TRPC1: variants seen among roughly 807,000 people sequenced by gnomAD.
TRPC1 encodes short transient receptor potential channel 1.
A neutral mutation model predicts 88.2 loss-of-function variants in TRPC1; 42 were observed. That is an observed-to-expected ratio of 0.48 (90% CI 0.37 to 0.62). The LOEUF (loss-of-function observed/expected upper bound fraction) is 0.62. Among genes scored for constraint, TRPC1 ranks in the 20% least tolerant of loss-of-function variants. The probability of loss-of-function intolerance (pLI) is 0.00; values close to 1 mark genes in which losing one functional copy is unlikely to be tolerated. For missense variants in TRPC1, 699 were observed against 957.3 expected, an observed-to-expected ratio of 0.73 and a Z score of 3.56; for synonymous variants, 288 against 331.8, an observed-to-expected ratio of 0.87 and a Z score of 1.43.
chr3:142,783,963 A>C (rs571186952), intron 6 of TRPC1, among the ~76,000 whole-genome samples: 1 of 152,274 alleles, frequency 6.6e-6, no homozygotes, highest in South Asian at 2.1e-4. Flanking sequence ...TTGGTAAATT[A>C]GTTTCTGTAC....
At chr3:142,797,001 C>T (rs1936472813) in intron 9 of TRPC1, among the ~76,000 whole-genome samples, 1 of 152,044 alleles carries the variant, frequency 6.6e-6, no homozygotes, top group South Asian at 2.1e-4. Context: ...TCGAGTGGAC[C>T]TGTTTGCCCT....
At chr3:142,794,805 C>T (rs1936403835) in intron 9 of TRPC1, among the ~76,000 whole-genome samples, 1 of 152,108 alleles carries the variant, frequency 6.6e-6, no homozygotes, top group Non-Finnish European at 1.5e-5. Context: ...TATCTCAAGC[C>T]TACACACTGC....
rs1426638875 is a variant in TRPC1, at chr3:142,777,551, C to T, written c.633-81C>T. Reference sequence around the variant, plus strand: ...TTAATTTTATAATATTTTAAGTATACATTTATGAAAATTATAGATTAAAAT... The same window carrying T: ...TTAATTTTATAATATTTTAAGTATATATTTATGAAAATTATAGATTAAAAT... On this transcript the variant is annotated intron_variant, in intron 4 of 12. Transcript: ENST00000476941. 1.0e-5 allele frequency: 9 copies of T among 870,448 alleles called. No homozygotes were observed. The South Asian group carries it at 1.3e-4, about 12-fold the overall frequency. The allele number at this position is 870,448 out of a possible 1,614,324, so 53.9% of individuals were successfully genotyped here. A position where few individuals can be genotyped will look rare whatever the true frequency, so the allele number is the denominator to read the frequency against.
Position 142,791,104 on chromosome 3 carries a change from C to T in TRPC1, c.1383C>T (p.Val461=), listed in dbSNP as rs769520556. The T allele has an allele frequency of 6.2e-7, 1 of 1,609,772 alleles. No individual in the cohort carries two copies. Among genetic ancestry groups the T allele is most frequent in the Admixed American group, 1.7e-5 (1 of 59,332 alleles). Residue 461 remains valine (V), a synonymous_variant, in exon 8 of 13, where the codon GTC becomes GTT. Coordinates refer to ENST00000476941, the MANE Select transcript of TRPC1 (RefSeq NM_001251845.2). ...AATCTCGTAATCAACTCAGTTTTGT[C>T]ATGAATTCTCTTTATTTGGCAACCT... ...LEESRNQLSF[V]MNSLYLATFA...
At chr3:142,771,764 T>G (rs1346219807) in intron 4 of TRPC1, among the ~76,000 whole-genome samples, 2 of 152,190 alleles carry the variant, frequency 1.3e-5, no homozygotes, top group Non-Finnish European at 2.9e-5. Flanking sequence ...TTACTTTCTA[T>G]TCTATAAATA....
intron 4 of TRPC1, among the ~76,000 whole-genome samples, chr3:142,773,581 G>GTT (rs74269488): frequency 5.3e-5 from 7 of 132,348 alleles, no homozygotes; most frequent in Admixed American, 7.9e-5. Flanking sequence ...TCTGCAGGCA[G>GTT]TTTTTTTTTT....
chr3:142,786,062 G>A (rs1213671615), intron 7 of TRPC1, among the ~76,000 whole-genome samples: 1 of 151,930 alleles, frequency 6.6e-6, no homozygotes, highest in Non-Finnish European at 1.5e-5. Flanking sequence ...TCTGTGTGTC[G>A]GGGTGCGTGT....
intron 7 of TRPC1, 95 bp downstream of exon 7, chr3:142,785,135 A>G (rs1465935062): frequency 1.3e-5 from 14 of 1,077,224 alleles, no homozygotes; most frequent in Non-Finnish European, 1.7e-5. Flanking sequence ...TCAATTTGCA[A>G]TTTTACACTG....
intron 10 of TRPC1, among the ~76,000 whole-genome samples, chr3:142,802,715 G>C (rs1028571510): frequency 6.6e-6 from 1 of 152,140 alleles, no homozygotes; most frequent in Admixed American, 6.6e-5. Flanking sequence ...CATTGTTACA[G>C]CCAAAAACGC....
At chr3:142,731,770 A>T (rs545296284) in intron 1 of TRPC1, among the ~76,000 whole-genome samples, 1 of 152,188 alleles carries the variant, frequency 6.6e-6, no homozygotes, top group South Asian at 2.1e-4. Flanking sequence ...TGAGCAAACT[A>T]TGGGCCACAG....
At chr3:142,778,449 A>G (rs1935855829) in intron 5 of TRPC1, among the ~76,000 whole-genome samples, 1 of 152,120 alleles carries the variant, frequency 6.6e-6, no homozygotes, top group Non-Finnish European at 1.5e-5. Context: ...ATAGCAGCCT[A>G]TGAAACTACT....
intron 4 of TRPC1, 32 bp from the exon 5 acceptor site, chr3:142,777,600 A>C: frequency 6.6e-7 from 1 of 1,511,476 alleles, no homozygotes; most frequent in East Asian, 2.3e-5. Context: ...GTATAAGTTT[A>C]TTTTACATTA....
At chr3:142,804,952 C>G (rs754742106) in intron 12 of TRPC1, among the ~76,000 whole-genome samples, 1 of 151,850 alleles carries the variant, frequency 6.6e-6, no homozygotes, top group African/African-American at 2.4e-5. Context: ...AACACAAAAA[C>G]TAGCTGAGTG....
intron 7 of TRPC1, among the ~76,000 whole-genome samples, chr3:142,786,141 T>C (rs566035559): frequency 2.7e-4 from 41 of 152,328 alleles, no homozygotes; most frequent in South Asian, 1.4e-3. Flanking sequence ...TTTCCCTCTG[T>C]ATCTTCTACC....
At position 142,724,586 on chromosome 3, in the gene TRPC1, G is replaced by C. The variant is rs568473277; in HGVS notation, c.27G>C (p.Thr9=). ...TGATGGCGGCCCTGTACCCGAGCAC[G>C]GACCTCTCGGGCGCCTCCTCCTCCT... MMAALYPS[T]DLSGASSSSL... Residue 9 remains threonine (T), a synonymous_variant, in exon 1 of 13, where the codon ACG becomes ACC. Transcript: ENST00000476941. The surrounding 1 kb of genome is among the most constrained non-coding windows in gnomAD (Gnocchi z 5.6). 1.1e-4 allele frequency: 168 copies of C among 1,591,846 alleles called. 2 individuals carry two copies. The East Asian group carries it at 3.7e-3, about 35-fold the overall frequency.
chr3:142,736,517 T>G lies in TRPC1; in HGVS notation c.311T>G (p.Leu104Trp). The G allele has an allele frequency of 6.2e-7, 1 of 1,609,468 alleles. No individual in the cohort carries two copies. The highest frequency in any genetic ancestry group is 8.5e-7 in the Non-Finnish European group (1 of 1,178,354). The change falls in exon 2 of 13, where the codon TTG (leucine) becomes TGG (tryptophan). Residue 104 changes from leucine to tryptophan, a missense_variant. Around this residue, in one of 4 missense-constraint regions of TRPC1, gnomAD observed 157 missense variants for 127.0 expected, o/e 1.24. Coordinates refer to ENST00000476941, the MANE Select transcript of TRPC1 (RefSeq NM_001251845.2). ...AACTTGGATATACTGCAGCTTCTTT[T>G]GGACTACGGTTGTCAGGTACAAGGC... ...NENLDILQLL[L>W]DYGCQSADAL...
chr3:142,750,254 G>A (rs7638554), intron 4 of TRPC1, among the ~76,000 whole-genome samples: 4,426 of 152,236 alleles, frequency 0.029, 231 homozygotes, highest in African/African-American at 0.1. Context: ...AGTGGGTGAA[G>A]CATATGAACA....
intron 4 of TRPC1, among the ~76,000 whole-genome samples, chr3:142,772,820 T>C (rs1255911214): frequency 6.6e-6 from 1 of 152,154 alleles, no homozygotes. Context: ...TGTTTTGTTT[T>C]ACAGTTTGGG....
At chr3:142,741,747 C>T (rs1417663846) in intron 2 of TRPC1, among the ~76,000 whole-genome samples, 1 of 152,160 alleles carries the variant, frequency 6.6e-6, no homozygotes, top group Non-Finnish European at 1.5e-5. Flanking sequence ...CATGGAGTTT[C>T]TTTGTGACAG....
Sources: gnomAD v4.1 joint callset for allele counts (sites outside exome capture counted in the v4.1 genomes callset) on GRCh38, gnomAD v4.1.1 for gene constraint, gnomAD v4.1.1 regional missense constraint, Gnocchi (gnomAD v3.1) non-coding constraint, MANE v1.5 for transcripts, NCBI Gene and HGNC (gene_info 2026-07-23, HGNC 2026-07-21) for gene names.